The following RBFOX1 variants were observed in gnomAD, a reference collection of about 807,000 sequenced individuals.
RBFOX1 encodes RNA binding fox-1 homolog 1.
Under a neutral mutation model 57.7 loss-of-function variants are expected in RBFOX1, and 8 were observed. That is an observed-to-expected ratio of 0.14 (90% CI 0.08 to 0.25). RBFOX1 has a LOEUF of 0.25. RBFOX1 is among the 10% of genes least tolerant of loss of function. RBFOX1 has a pLI of 1.00. For synonymous variants in RBFOX1, 326 were observed against 222.4 expected, an observed-to-expected ratio of 1.47 and a Z score of -4.15; for missense variants, 611 against 548.5, an observed-to-expected ratio of 1.11 and a Z score of -1.14.
intron 3 of RBFOX1, among the ~76,000 whole-genome samples, chr16:5,706,997 A>G (rs528179215): frequency 2.0e-5 from 3 of 152,192 alleles, no homozygotes; most frequent in African/African-American, 7.2e-5. Context: ...AAAAGCAATT[A>G]TTTGTCTGAA....
rs113149684 is a variant in RBFOX1, at chr16:6,959,395, G to T, written c.-15-92662G>T. Among the ~76,000 whole-genome samples the T allele has an allele frequency of 9.7e-3, 1,470 of 152,276 alleles. 32 individuals are homozygous for T. The highest frequency in any genetic ancestry group is 0.034 in the African/African-American group (1,406 of 41,544). On this transcript the variant is annotated intron_variant, in intron 3 of 15. Transcript: ENST00000550418. ...GGATTTTCAGAAAGTCGTTTTGTGG[G>T]GTTTCTAAGAGTTGTACTTCACGCT... is the stretch of plus-strand genomic sequence containing the variant.
intron 2 of RBFOX1, among the ~76,000 whole-genome samples, chr16:6,425,757 G>T (rs2093908066): frequency 6.6e-6 from 1 of 152,124 alleles, no homozygotes. Context: ...TGCAGAGTTT[G>T]CTTCTGTTTC....
At chr16:6,724,944 G>A (rs899630799) in intron 3 of RBFOX1, among the ~76,000 whole-genome samples, 3 of 151,928 alleles carry the variant, frequency 2.0e-5, no homozygotes, top group African/African-American at 7.3e-5. Flanking sequence ...TGGCAGTAGT[G>A]GGAGTGTCTT....
chr16:5,553,040 C>G (rs1373240404), intron 2 of RBFOX1, among the ~76,000 whole-genome samples: 2 of 152,096 alleles, frequency 1.3e-5, no homozygotes, highest in Non-Finnish European at 2.9e-5. Flanking sequence ...GGATAGAAAA[C>G]AAAACACCGC....
intron 3 of RBFOX1, among the ~76,000 whole-genome samples, chr16:5,786,480 C>T (rs773526073): frequency 2.0e-5 from 3 of 152,152 alleles, no homozygotes; most frequent in Non-Finnish European, 4.4e-5. Flanking sequence ...GTAACGAAGG[C>T]CAGGATAAGG....
At chr16:7,375,584 T>C (rs2147637028) in intron 4 of RBFOX1, among the ~76,000 whole-genome samples, 1 of 152,030 alleles carries the variant, frequency 6.6e-6, no homozygotes, top group African/African-American at 2.4e-5. Flanking sequence ...GGGTTTATAC[T>C]CTTCTCGATC....
At chr16:6,743,196 A>G (rs749629696) in intron 3 of RBFOX1, among the ~76,000 whole-genome samples, 2 of 152,192 alleles carry the variant, frequency 1.3e-5, no homozygotes, top group East Asian at 1.9e-4. Context: ...GTTATAGCTA[A>G]TAAGCCAGCA....
intron 5 of RBFOX1, among the ~76,000 whole-genome samples, chr16:7,522,581 G>T (rs2077743714): frequency 6.6e-6 from 1 of 152,168 alleles, no homozygotes; most frequent in Non-Finnish European, 1.5e-5. Context: ...TATTTGGAGT[G>T]ATGAGGAGAA....
At chr16:6,313,939 G>C (rs1599530974) in intron 1 of RBFOX1, among the ~76,000 whole-genome samples, 1 of 152,174 alleles carries the variant, frequency 6.6e-6, no homozygotes, top group African/African-American at 2.4e-5. Context: ...TATAACAATG[G>C]TTCTCAGCCT....
chr16:6,218,752 G>C (rs1293744527), intron 1 of RBFOX1, among the ~76,000 whole-genome samples: 1 of 152,006 alleles, frequency 6.6e-6, no homozygotes, highest in African/African-American at 2.4e-5. Flanking sequence ...AACTTCCACT[G>C]GTTCCCGGTC....
At chr16:7,156,558 T>A (rs1365657150) in intron 4 of RBFOX1, among the ~76,000 whole-genome samples, 1 of 152,166 alleles carries the variant, frequency 6.6e-6, no homozygotes, top group Admixed American at 6.5e-5. Flanking sequence ...GATATACATA[T>A]GTGTACATAT....
intron 2 of RBFOX1, among the ~76,000 whole-genome samples, chr16:5,511,368 T>A (rs557510656): frequency 1.3e-5 from 2 of 152,260 alleles, no homozygotes; most frequent in South Asian, 4.1e-4. Flanking sequence ...TCTGCAGGGA[T>A]GGTGGTGGGG....
intron 2 of RBFOX1, among the ~76,000 whole-genome samples, chr16:6,492,705 A>G (rs1200844881): frequency 6.6e-6 from 1 of 152,224 alleles, no homozygotes; most frequent in East Asian, 1.9e-4. Flanking sequence ...AACAGTCAGA[A>G]GGAAACTGGA....
intron 3 of RBFOX1, among the ~76,000 whole-genome samples, chr16:6,703,018 G>T (rs1343350414): frequency 2.0e-5 from 3 of 152,162 alleles, no homozygotes; most frequent in African/African-American, 7.2e-5. Flanking sequence ...GAATCATATG[G>T]CCCTTGTCCT....
chr16:7,284,932 T>G (rs1453208195), intron 4 of RBFOX1, among the ~76,000 whole-genome samples: 9 of 152,118 alleles, frequency 5.9e-5, no homozygotes, highest in Non-Finnish European at 7.4e-5. Flanking sequence ...ACACACTGTT[T>G]CCTTTTCTGG....
intron 10 of RBFOX1, among the ~76,000 whole-genome samples, chr16:7,617,342 TTA>T (rs1408967196): frequency 6.6e-6 from 1 of 152,190 alleles, no homozygotes; most frequent in Non-Finnish European, 1.5e-5. Flanking sequence ...AATTTAGATT[TTA>T]TACAATTTTC....
rs115787988 is a variant in RBFOX1 at position 6,735,325 on chromosome 16, C to G, written c.-16+80675C>G. ...GTTCATGTTGGTGGAATTACTTAAA[C>G]TCTAAACCTGGTTACTTAGTGCCGT... On this transcript the variant is annotated intron_variant, in intron 3 of 15. Transcript: ENST00000550418. 4.9e-3 allele frequency among the ~76,000 whole-genome samples: 741 copies of G among 152,326 alleles called. 9 individuals are homozygous for G. The highest frequency in any genetic ancestry group is 0.016 in the African/African-American group (666 of 41,578).
intron 4 of RBFOX1, among the ~76,000 whole-genome samples, chr16:7,266,062 C>T (rs1000037891): frequency 6.7e-6 from 1 of 149,782 alleles, no homozygotes; most frequent in African/African-American, 2.5e-5. Flanking sequence ...GCAAGCTCCG[C>T]CTCCCAGGTT....
intron 1 of RBFOX1, among the ~76,000 whole-genome samples, chr16:5,435,784 G>A (rs2067898277): frequency 6.6e-6 from 1 of 152,152 alleles, no homozygotes; most frequent in Non-Finnish European, 1.5e-5. Context: ...ACATTCTCTG[G>A]CACATAATTT....
Sources: gnomAD v4.1 joint callset for allele counts (sites outside exome capture counted in the v4.1 genomes callset) on GRCh38, gnomAD v4.1.1 for gene constraint, MANE v1.5 for transcripts, NCBI Gene and HGNC (gene_info 2026-07-23, HGNC 2026-07-21) for gene names.